The following SVOPL variants were observed in gnomAD, a reference collection of about 807,000 sequenced individuals.
SVOPL encodes the protein SVOP like, also known as putative transporter SVOPL.
A neutral mutation model predicts 61.0 loss-of-function variants in SVOPL; 60 were observed. That is an observed-to-expected ratio of 0.98 (90% CI 0.80 to 1.22). SVOPL has a LOEUF of 1.22. Among genes scored for constraint, SVOPL ranks in the 50% most tolerant of loss-of-function variants. The pLI is 0.00. For synonymous variants in SVOPL, 279 were observed against 250.0 expected (o/e 1.12, Z -1.09); for missense variants, 662 against 643.9 (o/e 1.03, Z -0.30).
intron 4 of SVOPL, among the ~76,000 whole-genome samples, chr7:138,667,470 G>A (rs1802295136): frequency 6.6e-6 from 1 of 152,178 alleles, no homozygotes; most frequent in African/African-American, 2.4e-5. Context: ...CCCAGAAGAT[G>A]AGACCATTCT....
chr7:138,644,713 T>C lies in SVOPL; in HGVS notation c.789+4A>G. On this transcript the variant is annotated splice_donor_region_variant and intron_variant, in intron 9 of 15. Coordinates refer to ENST00000674285, the MANE Select transcript of SVOPL (RefSeq NM_001139456.2). Reference sequence around the variant, plus strand: ...AGGAGAAGACCTCGGGGGCCAGCACTCACCAGGACGGGCTCCACCAGCTTC... The same window carrying C: ...AGGAGAAGACCTCGGGGGCCAGCACCCACCAGGACGGGCTCCACCAGCTTC... 4 of 1,613,776 alleles carry C rather than the reference T, an allele frequency of 2.5e-6. No individual in the cohort carries two copies. Among genetic ancestry groups the C allele is most frequent in the Non-Finnish European group, 3.4e-6 (4 of 1,179,916 alleles).
At chr7:138,622,104 A>G (rs1472751288) in intron 13 of SVOPL, among the ~76,000 whole-genome samples, 72 of 121,310 alleles carry the variant, frequency 5.9e-4, no homozygotes, top group Admixed American at 7.6e-4. Flanking sequence ...CTATCTATCT[A>G]TCTATCTATC....
rs71179714 is a variant in SVOPL at position 138,644,197 on chromosome 7, C to CAA, written c.789+518_789+519dup. On this transcript the variant is annotated intron_variant, in intron 9 of 15. Coordinates refer to ENST00000674285, the MANE Select transcript of SVOPL (RefSeq NM_001139456.2). ...GCCTGGTGACAGAGCAAGACTCCAT[C>CAA]AAAAAAAAAAAAAAAAAAAAAAAAA... 2.8e-3 allele frequency among the ~76,000 whole-genome samples: 142 copies of CAA among 50,400 alleles called. 13 individuals carry two copies. Among genetic ancestry groups the CAA allele is most frequent in the East Asian group, 0.011 (14 of 1,316 alleles). 33.1% of individuals were successfully genotyped at this position (50,400 alleles called of 152,430 possible).
chr7:138,625,873 A>G, intron 13 of SVOPL, 96 bp downstream of exon 13: 2 of 1,216,844 alleles, frequency 1.6e-6, no homozygotes, highest in Admixed American at 2.4e-5. Flanking sequence ...AATCATCAAA[A>G]GTCAACAGAA....
chr7:138,667,199 T>G (rs545993768), intron 4 of SVOPL, among the ~76,000 whole-genome samples: 1 of 152,322 alleles, frequency 6.6e-6, no homozygotes, highest in Admixed American at 6.5e-5. Context: ...GAAGACAGAC[T>G]AATGCAACAC....
rs1346985995 is a variant in SVOPL, at chr7:138,660,717, TAGC to T, written c.346-732_346-730del. ...ATTTCTGGAAGACAAATGTTCAGGT[TAGC>T]AGAATATTTTCAAGGTTCATGTTTC... On this transcript the variant is annotated intron_variant, in intron 5 of 15. Coordinates refer to ENST00000674285, the MANE Select transcript of SVOPL (RefSeq NM_001139456.2). The T allele has an allele frequency of 1.7e-5, 17 of 985,428 alleles. No homozygotes were observed. The African/African-American group carries it at 3.0e-4, about 17-fold the overall frequency. The allele number at this position is 985,428 out of a possible 1,614,324, so 61.0% of individuals were successfully genotyped here. A position where few individuals can be genotyped will look rare whatever the true frequency, so the allele number is the denominator to read the frequency against.
chr7:138,596,341 T>G lies in SVOPL; in HGVS notation c.1467+76A>C, dbSNP rs543364062. On this transcript the variant is annotated intron_variant, in intron 15 of 15. Transcript: ENST00000674285. ...TTATTAGTTATTTTAACTACAATGATGCCCATATACCAAGTTCATTTGCTC... is the reference window on the plus strand; with the variant it reads ...TTATTAGTTATTTTAACTACAATGAGGCCCATATACCAAGTTCATTTGCTC... 1.4e-5 allele frequency: 17 copies of G among 1,178,028 alleles called. No individual in the cohort carries two copies. In the South Asian group the frequency reaches 2.1e-4, roughly 15 times the overall value. 73.0% of individuals were successfully genotyped at this position (1,178,028 alleles called of 1,614,324 possible).
chr7:138,655,331 C>A (rs1801671303), intron 7 of SVOPL, among the ~76,000 whole-genome samples: 1 of 152,102 alleles, frequency 6.6e-6, no homozygotes, highest in South Asian at 2.1e-4. Flanking sequence ...TGGTGAAACC[C>A]CATCTCTACC....
rs528736769 is a variant in SVOPL, at chr7:138,631,001, G to A, written c.790-879C>T. Among the ~76,000 whole-genome samples the A allele has an allele frequency of 2.7e-5, 4 of 150,934 alleles. 1 individual carries two copies. The East Asian group carries it at 5.8e-4, about 22-fold the overall frequency. On this transcript the variant is annotated intron_variant, in intron 9 of 15. Coordinates refer to ENST00000674285, the MANE Select transcript of SVOPL (RefSeq NM_001139456.2). ...AAGAGTTACATGATGGCACAGAAAT[G>A]GATTTTTATGTAAAGCTGGGAATGC...
intron 4 of SVOPL, among the ~76,000 whole-genome samples, chr7:138,668,756 C>T (rs901820982): frequency 6.6e-6 from 1 of 152,206 alleles, no homozygotes; most frequent in Non-Finnish European, 1.5e-5. Flanking sequence ...CCCCTGCCAC[C>T]TTCCGGGGCT....
intron 4 of SVOPL, 100 bp downstream of exon 4, chr7:138,671,911 AACAGTGGC>A: frequency 1.0e-6 from 1 of 954,844 alleles, no homozygotes; most frequent in Non-Finnish European, 1.6e-6. Flanking sequence ...TTTGGAAGCC[AACAGTGGC>A]AGTGGTGAGA....
At chr7:138,680,873 C>G (rs1482869625) in intron 1 of SVOPL, among the ~76,000 whole-genome samples, 1 of 152,094 alleles carries the variant, frequency 6.6e-6, no homozygotes, top group Non-Finnish European at 1.5e-5. Flanking sequence ...GCCACCTTGC[C>G]CGGCCAGACT....
At chr7:138,687,256 A>T (rs2117134456) in intron 1 of SVOPL, among the ~76,000 whole-genome samples, 1 of 89,268 alleles carries the variant, frequency 1.1e-5, no homozygotes, top group Non-Finnish European at 2.0e-5. Context: ...TTTTTTTGAG[A>T]CGGAGTTTCA....
At chr7:138,649,532 A>G (rs987751298) in intron 7 of SVOPL, among the ~76,000 whole-genome samples, 4 of 151,964 alleles carry the variant, frequency 2.6e-5, no homozygotes, top group Non-Finnish European at 5.9e-5. Flanking sequence ...CCTGACCTCA[A>G]ATGATCCACC....
chr7:138,660,866 A>C, intron 5 of SVOPL: 1 of 985,308 alleles, frequency 1.0e-6, no homozygotes, highest in Non-Finnish European at 1.2e-6. Context: ...ATATACTTGC[A>C]AGTCATGAAA....
chr7:138,696,893 T>G (rs1803076010), intron 1 of SVOPL, among the ~76,000 whole-genome samples: 1 of 152,136 alleles, frequency 6.6e-6, no homozygotes, highest in South Asian at 2.1e-4. Context: ...TTGTGCCACA[T>G]GCCCCCACCT....
In SVOPL at chr7:138,624,664, A is replaced by C. The variant is rs181161884; in HGVS notation, c.1263+1305T>G. ...TTTTCCTCATATATTATGCTTTTAA[A>C]TTCTCTATTCTATAGCCCTAGAACC... is the stretch of plus-strand genomic sequence containing the variant. On this transcript the variant is annotated intron_variant, in intron 13 of 15. Coordinates refer to ENST00000674285, the MANE Select transcript of SVOPL (RefSeq NM_001139456.2). Among the ~76,000 whole-genome samples the C allele has an allele frequency of 2.4e-3, 365 of 151,588 alleles. 1 individual carries two copies. The highest frequency in any genetic ancestry group is 7.7e-3 in the African/African-American group (320 of 41,354).
chr7:138,638,272 CAAAAA>C (rs56000217), intron 9 of SVOPL, among the ~76,000 whole-genome samples: 12 of 95,812 alleles, frequency 1.3e-4, no homozygotes, highest in South Asian at 3.5e-4. Flanking sequence ...GACTCCACCT[CAAAAA>C]AAAAAAAAAA....
chr7:138,611,185 C>T (rs1233360155), intron 14 of SVOPL, among the ~76,000 whole-genome samples: 1 of 152,174 alleles, frequency 6.6e-6, no homozygotes, highest in Non-Finnish European at 1.5e-5. Context: ...TTAGACCAGC[C>T]CTGCCAACAT....
Sources: gnomAD v4.1 joint callset for allele counts (sites outside exome capture counted in the v4.1 genomes callset) on GRCh38, gnomAD v4.1.1 for gene constraint, MANE v1.5 for transcripts, NCBI Gene and HGNC (gene_info 2026-07-23, HGNC 2026-07-21) for gene names.